MTHFD1L: variants seen among roughly 807,000 people sequenced by gnomAD.
MTHFD1L encodes methylenetetrahydrofolate dehydrogenase (NADP+ dependent) 1 like, also known as monofunctional C1-tetrahydrofolate synthase, mitochondrial.
Under a neutral mutation model 119.5 loss-of-function variants are expected in MTHFD1L, and 81 were observed. The observed-to-expected ratio is 0.68, with a 90% CI of 0.57 to 0.82. The LOEUF (loss-of-function observed/expected upper bound fraction) is 0.82. Among genes scored for constraint, MTHFD1L ranks in the 40% least tolerant of loss-of-function variants. The probability of loss-of-function intolerance (pLI) is 0.00; values close to 1 mark genes in which losing one functional copy is unlikely to be tolerated. For missense variants in MTHFD1L, 1,125 were observed against 1,253.4 expected, an observed-to-expected ratio of 0.90 and a Z score of 1.55; for synonymous variants, 430 against 475.2, an observed-to-expected ratio of 0.90 and a Z score of 1.24.
At chr6:151,088,563 T>C (rs1163249606) in intron 26 of MTHFD1L, among the ~76,000 whole-genome samples, 1 of 151,786 alleles carries the variant, frequency 6.6e-6, no homozygotes, top group Non-Finnish European at 1.5e-5. Context: ...TTCAAACGAT[T>C]CTCCTTCCTC....
chr6:150,981,387 C>T (rs371567672), intron 20 of MTHFD1L, among the ~76,000 whole-genome samples: 10 of 152,318 alleles, frequency 6.6e-5, no homozygotes, highest in African/African-American at 1.7e-4. Flanking sequence ...TGTATTACCG[C>T]GTTTCCGTCA....
At chr6:150,921,021 G>A (rs1425990225) in intron 9 of MTHFD1L, among the ~76,000 whole-genome samples, 1 of 134,672 alleles carries the variant, frequency 7.4e-6, no homozygotes, top group Admixed American at 8.6e-5. Context: ...TCGCAAACTC[G>A]GCTCACTGCA....
At chr6:150,953,824 C>T (rs566630805) in intron 16 of MTHFD1L, among the ~76,000 whole-genome samples, 5 of 152,268 alleles carry the variant, frequency 3.3e-5, no homozygotes, top group South Asian at 4.1e-4. Flanking sequence ...GTGCCAAGAT[C>T]GTGTATACTA....
intron 7 of MTHFD1L, 80 bp from the exon 8 acceptor site, chr6:150,905,570 G>T: frequency 1.0e-6 from 1 of 997,122 alleles, no homozygotes. Context: ...GGATTGTGTA[G>T]AACTCATTTG....
At chr6:150,927,239 C>G (rs1181618209) in intron 11 of MTHFD1L, among the ~76,000 whole-genome samples, 1 of 151,694 alleles carries the variant, frequency 6.6e-6, no homozygotes, top group Non-Finnish European at 1.5e-5. Context: ...GTAAAACATC[C>G]CAAACCCAAG....
intron 24 of MTHFD1L, 66 bp downstream of exon 24, chr6:151,015,759 G>T: frequency 6.4e-7 from 1 of 1,553,352 alleles, no homozygotes; most frequent in Non-Finnish European, 8.7e-7. Flanking sequence ...CCATTCTGTT[G>T]TCACCACAAC....
intron 7 of MTHFD1L, among the ~76,000 whole-genome samples, chr6:150,904,117 C>T (rs1237277030): frequency 6.6e-6 from 1 of 152,110 alleles, no homozygotes; most frequent in Non-Finnish European, 1.5e-5. Context: ...ACCCTTTTGC[C>T]CAAATAGTGT....
intron 26 of MTHFD1L, among the ~76,000 whole-genome samples, chr6:151,071,153 T>C (rs1437335999): frequency 6.6e-6 from 1 of 152,178 alleles, no homozygotes; most frequent in Admixed American, 6.5e-5. Context: ...TTGTGTAAGC[T>C]CCAGACTTAC....
intron 26 of MTHFD1L, among the ~76,000 whole-genome samples, chr6:151,067,283 T>C (rs1791422434): frequency 6.6e-6 from 1 of 151,986 alleles, no homozygotes; most frequent in Non-Finnish European, 1.5e-5. Context: ...GTTATATTGG[T>C]TTGACCAGTT....
intron 24 of MTHFD1L, among the ~76,000 whole-genome samples, chr6:151,020,521 C>G (rs527698990): frequency 4.6e-5 from 7 of 152,318 alleles, no homozygotes; most frequent in African/African-American, 7.2e-5. Context: ...TAACTTCTAA[C>G]TCAAGAGTAG....
At chr6:150,984,959 C>T (rs552189040) in intron 20 of MTHFD1L, 1 of 152,262 alleles carries the variant, frequency 6.6e-6, no homozygotes, top group South Asian at 2.1e-4. Context: ...TTGAATTGCT[C>T]TTTGCCATGT....
intron 8 of MTHFD1L, chr6:150,912,676 AT>A: frequency 2.0e-6 from 1 of 510,306 alleles, no homozygotes; most frequent in South Asian, 1.5e-5. Flanking sequence ...AGAAAGTTTG[AT>A]TATCATTAGA....
chr6:150,989,848 TTACTA>T (rs1396151723), intron 20 of MTHFD1L, among the ~76,000 whole-genome samples: 1 of 152,210 alleles, frequency 6.6e-6, no homozygotes, highest in Non-Finnish European at 1.5e-5. Context: ...TACTATAAAA[TTACTA>T]TACTATATCA....
At position 150,925,608 on chromosome 6, in the gene MTHFD1L, GAC is replaced by G. The variant is rs757450028; in HGVS notation, c.1083-510_1083-509del. ...CTGTAAATAGAGAGGGGGAAGTGTG[GAC>G]ACAGATAAAACGAAATAGCATTTCC... On this transcript the variant is annotated intron_variant, in intron 10 of 27. Coordinates refer to ENST00000367321, the MANE Select transcript of MTHFD1L (RefSeq NM_015440.5). Among the ~76,000 whole-genome samples, 7 of 152,288 alleles carry G rather than the reference GAC, an allele frequency of 4.6e-5. No homozygotes were observed. The South Asian group carries it at 6.2e-4, about 14-fold the overall frequency.
chr6:150,931,310 C>T (rs1791008279), intron 11 of MTHFD1L, among the ~76,000 whole-genome samples: 1 of 146,232 alleles, frequency 6.8e-6, no homozygotes, highest in African/African-American at 2.6e-5. Flanking sequence ...GGCCAAATAC[C>T]CGATTGGATT....
chr6:151,041,810 A>G, intron 26 of MTHFD1L: 1 of 532,754 alleles, frequency 1.9e-6, no homozygotes, highest in Non-Finnish European at 3.9e-6. Flanking sequence ...CTCTAGTTGG[A>G]GAATCCCAAC....
rs534198166 is a variant in MTHFD1L, at chr6:151,094,879, G to A, written c.*31+2292G>A. ...ATTTTAATAGAGATGGGGTTTTACC[G>A]TGTTGGCCAGGCTGGTCTCAAACTC... On this transcript the variant is annotated intron_variant, in intron 27 of 27. Coordinates refer to ENST00000367321, the MANE Select transcript of MTHFD1L (RefSeq NM_015440.5). Among the ~76,000 whole-genome samples, 90 of 151,736 alleles carry A rather than the reference G, an allele frequency of 5.9e-4. 1 individual carries two copies. In the Middle Eastern group the frequency reaches 0.031, roughly 52 times the overall value.
intron 20 of MTHFD1L, among the ~76,000 whole-genome samples, chr6:150,990,890 C>G (rs1052375415): frequency 1.3e-5 from 2 of 151,768 alleles, no homozygotes; most frequent in African/African-American, 2.4e-5. Flanking sequence ...TAGTCTCGCT[C>G]TGTCACCCAG....
chr6:150,931,997 A>G (rs1364003035), intron 11 of MTHFD1L, among the ~76,000 whole-genome samples: 1 of 151,766 alleles, frequency 6.6e-6, no homozygotes, highest in African/African-American at 2.4e-5. Flanking sequence ...CCCTGTTTCT[A>G]TTAAAAATAC....
Sources: allele counts gnomAD v4.1 joint callset (sites outside exome capture counted in the v4.1 genomes callset), GRCh38; gene constraint gnomAD v4.1.1; transcripts MANE v1.5; gene names NCBI Gene and HGNC (gene_info 2026-07-23, HGNC 2026-07-21).